The following NKAIN2 variants were observed in gnomAD, a reference collection of about 807,000 sequenced individuals.
The protein encoded by NKAIN2 is sodium/potassium transporting ATPase interacting 2.
Under a neutral mutation model 32.6 loss-of-function variants are expected in NKAIN2, and 14 were observed. That is an observed-to-expected ratio of 0.43 (90% CI 0.28 to 0.67). NKAIN2 has a LOEUF of 0.67. Among genes scored for constraint, NKAIN2 ranks in the 30% least tolerant of loss-of-function variants. The pLI is 0.17. For missense variants in NKAIN2, 198 were observed against 258.3 expected, an observed-to-expected ratio of 0.77 and a Z score of 1.60; for synonymous variants, 80 against 87.2, an observed-to-expected ratio of 0.92 and a Z score of 0.46.
At chr6:124,792,729 G>T (rs1296474757) in intron 5 of NKAIN2, among the ~76,000 whole-genome samples, 1 of 152,068 alleles carries the variant, frequency 6.6e-6, no homozygotes, top group South Asian at 2.1e-4. Context: ...ATGGAAGTGA[G>T]GGGTGGTCCC....
At position 124,711,332 on chromosome 6, in the gene NKAIN2, G is replaced by C. The variant is rs1254867590; in HGVS notation, c.474+52946G>C. Among the ~76,000 whole-genome samples the C allele has an allele frequency of 3.8e-4, 8 of 21,004 alleles. 1 individual carries two copies. The highest frequency in any genetic ancestry group is 3.0e-3 in the South Asian group (1 of 336). The allele number at this position is 21,004 out of a possible 152,430, so 13.8% of individuals were successfully genotyped here. On this transcript the variant is annotated intron_variant, in intron 4 of 6. Transcript: ENST00000368417. ...TCTTCTCGAGGAGTATCTTTGTGGCGTTCTCTGTATTTCCTGAATCTGAAC... is the reference window on the plus strand; with the variant it reads ...TCTTCTCGAGGAGTATCTTTGTGGCCTTCTCTGTATTTCCTGAATCTGAAC...
intron 3 of NKAIN2, among the ~76,000 whole-genome samples, chr6:124,573,867 G>T (rs1781228859): frequency 6.6e-6 from 1 of 152,120 alleles, no homozygotes; most frequent in Non-Finnish European, 1.5e-5. Context: ...TCAGAGTCAG[G>T]CTGCGTGGAA....
chr6:124,095,743 T>G (rs1291096035), intron 1 of NKAIN2, among the ~76,000 whole-genome samples: 1 of 152,194 alleles, frequency 6.6e-6, no homozygotes, highest in Non-Finnish European at 1.5e-5. Flanking sequence ...CTTTTTTATG[T>G]TATCACTTTA....
intron 1 of NKAIN2, among the ~76,000 whole-genome samples, chr6:123,932,402 CTTTCT>C (rs1312910018): frequency 4.4e-5 from 4 of 91,216 alleles, no homozygotes; most frequent in African/African-American, 1.8e-4. Flanking sequence ...CCTTTTCTGT[CTTTCT>C]TTTTTTTTTT....
At chr6:124,175,887 T>G (rs1789132348) in intron 1 of NKAIN2, among the ~76,000 whole-genome samples, 1 of 152,314 alleles carries the variant, frequency 6.6e-6, no homozygotes, top group African/African-American at 2.4e-5. Context: ...TCTTTCTCAC[T>G]CTTTATTTCA....
At position 124,345,451 on chromosome 6, in the gene NKAIN2, A is replaced by C. The variant is rs558074464; in HGVS notation, c.193-9816A>C. ...TACCTCTGGTAGAATTTGGCTGTGA[A>C]TCCATCTGGTCCTGGACTCTTTTTG... On this transcript the variant is annotated intron_variant, in intron 2 of 6. Coordinates refer to ENST00000368417, the MANE Select transcript of NKAIN2 (RefSeq NM_001040214.3). Among the ~76,000 whole-genome samples the C allele has an allele frequency of 1.3e-4, 20 of 152,174 alleles. No individual in the cohort carries two copies. In the South Asian group the frequency reaches 4.2e-3, roughly 32 times the overall value.
At chr6:124,032,948 T>A (rs1781467169) in intron 1 of NKAIN2, among the ~76,000 whole-genome samples, 1 of 151,322 alleles carries the variant, frequency 6.6e-6, no homozygotes, top group African/African-American at 2.4e-5. Context: ...TTTTGTTCTT[T>A]AAAAAAAAAT....
intron 2 of NKAIN2, among the ~76,000 whole-genome samples, chr6:124,345,826 C>G (rs551833097): frequency 6.6e-6 from 1 of 152,230 alleles, no homozygotes; most frequent in African/African-American, 2.4e-5. Flanking sequence ...TTTTATGTCT[C>G]TATTTCCTTC....
chr6:124,335,208 T>C (rs903059849), intron 2 of NKAIN2, among the ~76,000 whole-genome samples: 1 of 152,218 alleles, frequency 6.6e-6, no homozygotes, highest in Non-Finnish European at 1.5e-5. Context: ...TGTAGCAATT[T>C]AAAATGTTTA....
At chr6:124,377,289 A>G (rs1800034545) in intron 3 of NKAIN2, among the ~76,000 whole-genome samples, 1 of 152,040 alleles carries the variant, frequency 6.6e-6, no homozygotes, top group Admixed American at 6.6e-5. Flanking sequence ...TTCTTTCAAC[A>G]TGTACTTTTT....
Position 124,782,940 on chromosome 6 carries a change from A to C in NKAIN2, c.475-8399A>C, listed in dbSNP as rs371012342. Among the ~76,000 whole-genome samples the C allele has an allele frequency of 2.8e-4, 43 of 152,198 alleles. 1 individual carries two copies. The East Asian group carries it at 7.9e-3, about 28-fold the overall frequency. On this transcript the variant is annotated intron_variant, in intron 4 of 6. Transcript: ENST00000368417. The stretch of plus-strand genomic sequence containing the variant: ...CTTTTTACATTTCCCAATTATTTTC[A>C]ATGAATAGTTTTGGTTAAGGACTCC...
intron 4 of NKAIN2, among the ~76,000 whole-genome samples, chr6:124,685,962 A>G (rs559312615): frequency 1.2e-3 from 179 of 152,290 alleles, no homozygotes; most frequent in African/African-American, 4.2e-3. Flanking sequence ...ACAAGATGAT[A>G]ATCAAAGTTT....
At chr6:124,511,231 T>C (rs375746922) in intron 3 of NKAIN2, among the ~76,000 whole-genome samples, 8 of 152,308 alleles carry the variant, frequency 5.3e-5, no homozygotes, top group African/African-American at 1.9e-4. Context: ...AGCATTTTAG[T>C]TCAGAGATTA....
intron 5 of NKAIN2, among the ~76,000 whole-genome samples, chr6:124,815,250 G>GTA (rs543791725): frequency 2.7e-4 from 24 of 88,428 alleles, no homozygotes; most frequent in Middle Eastern, 6.7e-3. Context: ...ATGTATATAT[G>GTA]TATATATATA....
In NKAIN2 at chr6:123,904,830, G is replaced by A. The variant is rs182754016; in HGVS notation, c.54+100576G>A. On this transcript the variant is annotated intron_variant, in intron 1 of 6. Coordinates refer to ENST00000368417, the MANE Select transcript of NKAIN2 (RefSeq NM_001040214.3). ...ATGTAAGCCTAGCTAGCTGAGCTGG[G>A]GGTGAGAAGGACAGAACGAGTTGGT... Among the ~76,000 whole-genome samples, 67 of 152,284 alleles carry A rather than the reference G, an allele frequency of 4.4e-4. 2 individuals carry two copies. Among genetic ancestry groups the A allele is most frequent in the Admixed American group, 3.9e-3 (59 of 15,286 alleles).
intron 2 of NKAIN2, among the ~76,000 whole-genome samples, chr6:124,352,058 T>C (rs1798759014): frequency 6.6e-6 from 1 of 152,228 alleles, no homozygotes; most frequent in South Asian, 2.1e-4. Flanking sequence ...GCCATGGAGT[T>C]TGCTACTACT....
chr6:124,446,259 G>A (rs569428843), intron 3 of NKAIN2, among the ~76,000 whole-genome samples: 1 of 152,196 alleles, frequency 6.6e-6, no homozygotes, highest in Non-Finnish European at 1.5e-5. Context: ...TGCTAGTTTA[G>A]GAATTTAGAA....
chr6:124,097,519 T>A (rs1196462421), intron 1 of NKAIN2, among the ~76,000 whole-genome samples: 2 of 151,270 alleles, frequency 1.3e-5, no homozygotes, highest in African/African-American at 4.9e-5. Flanking sequence ...CATAAAAGAG[T>A]AGCCTGTCAT....
intron 1 of NKAIN2, among the ~76,000 whole-genome samples, chr6:124,270,988 T>C (rs1794735947): frequency 1.3e-5 from 2 of 152,184 alleles, no homozygotes; most frequent in Admixed American, 1.3e-4. Flanking sequence ...GGGAGGGACC[T>C]GGTGGGACAT....
Sources: gnomAD v4.1 joint callset for allele counts (sites outside exome capture counted in the v4.1 genomes callset) on GRCh38, gnomAD v4.1.1 for gene constraint, MANE v1.5 for transcripts, NCBI Gene and HGNC (gene_info 2026-07-23, HGNC 2026-07-21) for gene names.